CSMD1: variants seen among roughly 807,000 people sequenced by gnomAD.
The protein encoded by CSMD1 is CUB and Sushi multiple domains 1, also known as CUB and sushi domain-containing protein 1.
Under a neutral mutation model 417.5 loss-of-function variants are expected in CSMD1, and 213 were observed. The observed-to-expected ratio is 0.51, with a 90% CI of 0.46 to 0.57. The LOEUF is 0.57. Among genes scored for constraint, CSMD1 ranks in the 20% least tolerant of loss-of-function variants. CSMD1 has a pLI of 0.00. For synonymous variants in CSMD1, 2,862 were observed against 1,736.8 expected, an observed-to-expected ratio of 1.65 and a Z score of -16.11; for missense variants, 6,923 against 4,529.7, an observed-to-expected ratio of 1.53 and a Z score of -15.17.
chr8:2,963,004 A>T (rs1383735154), intron 60 of CSMD1, among the ~76,000 whole-genome samples: 1 of 152,126 alleles, frequency 6.6e-6, no homozygotes, highest in Non-Finnish European at 1.5e-5. Context: ...GCTATGATTG[A>T]ACCACTGCAC....
At chr8:3,016,400 GT>G (rs1330404380) in intron 52 of CSMD1, among the ~76,000 whole-genome samples, 3 of 152,088 alleles carry the variant, frequency 2.0e-5, no homozygotes, top group African/African-American at 7.2e-5. Context: ...CAACTTTATG[GT>G]TTCTTGTGGA....
chr8:4,640,181 A>T (rs530629049), intron 1 of CSMD1, among the ~76,000 whole-genome samples: 1 of 152,224 alleles, frequency 6.6e-6, no homozygotes, highest in Non-Finnish European at 1.5e-5. Flanking sequence ...AGTACAGTGC[A>T]TGTTGCTGAA....
rs1412300696 is a variant in CSMD1 at position 4,266,768 on chromosome 8, A to C, written c.415+153185T>G. ...AAATTTGATGATCTATAAATCCTCA[A>C]AATAGTAGCACAGAGAATCTAGATG... On this transcript the variant is annotated intron_variant, in intron 3 of 69. Coordinates refer to ENST00000635120, the MANE Select transcript of CSMD1 (RefSeq NM_033225.6). Among the ~76,000 whole-genome samples, 3 of 105,112 alleles carry C rather than the reference A, an allele frequency of 2.9e-5. 1 individual carries two copies. The highest frequency in any genetic ancestry group is 7.8e-5 in the African/African-American group (3 of 38,542). 69.0% of individuals were successfully genotyped at this position (105,112 alleles called of 152,430 possible).
intron 54 of CSMD1, among the ~76,000 whole-genome samples, chr8:2,993,056 A>C (rs1806539509): frequency 6.6e-6 from 1 of 152,214 alleles, no homozygotes; most frequent in Admixed American, 6.5e-5. Context: ...AGAATAAAAT[A>C]AACACTGAAA....
intron 4 of CSMD1, among the ~76,000 whole-genome samples, chr8:4,022,476 G>A (rs1004201247): frequency 1.3e-5 from 2 of 152,112 alleles, no homozygotes; most frequent in Non-Finnish European, 2.9e-5. Context: ...GCCTTGCTCA[G>A]GTTTAAAGAC....
intron 1 of CSMD1, among the ~76,000 whole-genome samples, chr8:4,960,388 G>A (rs1257225568): frequency 6.6e-6 from 1 of 152,162 alleles, no homozygotes; most frequent in Non-Finnish European, 1.5e-5. Flanking sequence ...ATTTGAGAGA[G>A]CTGGCAAGCT....
intron 10 of CSMD1, among the ~76,000 whole-genome samples, chr8:3,495,803 G>C (rs1325075243): frequency 2.0e-5 from 3 of 152,134 alleles, no homozygotes; most frequent in Non-Finnish European, 4.4e-5. Context: ...AGCCAAAATG[G>C]TTTTAGTTCC....
intron 47 of CSMD1, among the ~76,000 whole-genome samples, chr8:3,093,152 G>C (rs955062916): frequency 1.3e-5 from 2 of 152,124 alleles, no homozygotes; most frequent in African/African-American, 4.8e-5. Context: ...TTTAAAGAGA[G>C]AGAGGGAGGG....
At chr8:4,495,789 A>G (rs899494832) in intron 2 of CSMD1, among the ~76,000 whole-genome samples, 1 of 152,208 alleles carries the variant, frequency 6.6e-6, no homozygotes, top group Non-Finnish European at 1.5e-5. Context: ...TACTTTCTTA[A>G]TAGCCCATTC....
intron 33 of CSMD1, among the ~76,000 whole-genome samples, chr8:3,195,512 G>C (rs1283863126): frequency 6.6e-6 from 1 of 152,198 alleles, no homozygotes; most frequent in African/African-American, 2.4e-5. Flanking sequence ...GAAACAGTTT[G>C]TGTGATGTTC....
rs374935932 is a variant in CSMD1, at chr8:3,654,502, C to A, written c.1010-37705G>T. Among the ~76,000 whole-genome samples, 9 of 152,194 alleles carry A rather than the reference C, an allele frequency of 5.9e-5. No homozygotes were observed. The East Asian group carries it at 7.7e-4, about 13-fold the overall frequency. ...TTTTAAAAATCAAGAGGAGAGATAC[C>A]TAAATCCACACTGTTAGGAGAACTT... On this transcript the variant is annotated intron_variant, in intron 7 of 69. Coordinates refer to ENST00000635120, the MANE Select transcript of CSMD1 (RefSeq NM_033225.6).
At chr8:4,958,277 A>C (rs1809254131) in intron 1 of CSMD1, among the ~76,000 whole-genome samples, 2 of 152,202 alleles carry the variant, frequency 1.3e-5, no homozygotes, top group South Asian at 2.1e-4. Flanking sequence ...ATGAAAGTGC[A>C]CATATTTGAC....
chr8:4,273,563 T>C (rs1804734406), intron 3 of CSMD1, among the ~76,000 whole-genome samples: 1 of 152,206 alleles, frequency 6.6e-6, no homozygotes, highest in African/African-American at 2.4e-5. Context: ...AATGAATATA[T>C]TTTAATATAA....
intron 11 of CSMD1, among the ~76,000 whole-genome samples, chr8:3,470,527 G>C (rs971805842): frequency 6.6e-6 from 1 of 152,020 alleles, no homozygotes; most frequent in Non-Finnish European, 1.5e-5. Context: ...TGTTTTATTC[G>C]TATTTTGTAT....
intron 6 of CSMD1, among the ~76,000 whole-genome samples, chr8:3,751,299 A>ACT (rs1797324367): frequency 7.1e-6 from 1 of 140,288 alleles, no homozygotes; most frequent in African/African-American, 2.6e-5. Flanking sequence ...ATACAATTGA[A>ACT]GTGTGTGTGT....
At chr8:3,507,594 T>G (rs1049728843) in intron 10 of CSMD1, among the ~76,000 whole-genome samples, 1 of 152,184 alleles carries the variant, frequency 6.6e-6, no homozygotes, top group African/African-American at 2.4e-5. Flanking sequence ...ACTTCCACAA[T>G]GGTTGAACTA....
intron 3 of CSMD1, among the ~76,000 whole-genome samples, chr8:4,219,476 G>C (rs990332756): frequency 1.3e-5 from 2 of 152,102 alleles, no homozygotes; most frequent in African/African-American, 4.8e-5. Flanking sequence ...CTCTAGTCCT[G>C]AATTTCCTTC....
At chr8:2,992,103 G>C (rs1806437542) in intron 54 of CSMD1, among the ~76,000 whole-genome samples, 2 of 152,078 alleles carry the variant, frequency 1.3e-5, no homozygotes, top group African/African-American at 4.8e-5. Context: ...TGATTTAAAA[G>C]AAACACATGC....
chr8:3,212,831 C>CTTT (rs35152655), intron 30 of CSMD1, among the ~76,000 whole-genome samples: 35,159 of 138,354 alleles, frequency 0.25, 4,966 homozygotes, highest in Non-Finnish European at 0.31. Context: ...TTCTTATATA[C>CTTT]TTTTTTTTTT....
Sources: gnomAD v4.1 joint callset for allele counts (sites outside exome capture counted in the v4.1 genomes callset) on GRCh38, gnomAD v4.1.1 for gene constraint, MANE v1.5 for transcripts, NCBI Gene and HGNC (gene_info 2026-07-23, HGNC 2026-07-21) for gene names.